EFCAB11: variants seen among roughly 807,000 people sequenced by gnomAD.
EFCAB11 encodes EF-hand calcium binding domain 11.
EFCAB11 carries 14 observed loss-of-function variants against 23.0 expected under a neutral mutation model. The observed-to-expected ratio is 0.61, with a 90% CI of 0.40 to 0.95. The LOEUF (loss-of-function observed/expected upper bound fraction) is 0.95, where lower values mean the gene tolerates loss of function less well. EFCAB11 is among the 40% of genes least tolerant of loss of function. The pLI is 0.00. For synonymous variants in EFCAB11, 65 were observed against 66.6 expected (o/e 0.98, Z 0.11); for missense variants, 198 against 195.8 (o/e 1.01, Z -0.07).
intron 5 of EFCAB11, among the ~76,000 whole-genome samples, chr14:89,821,712 G>A (rs1329948800): frequency 6.6e-6 from 1 of 152,144 alleles, no homozygotes; most frequent in Non-Finnish European, 1.5e-5. Flanking sequence ...ATGGAGGTGC[G>A]GGAGAGGGAA....
intron 5 of EFCAB11, among the ~76,000 whole-genome samples, chr14:89,913,080 G>A (rs1404549827): frequency 1.3e-5 from 2 of 152,176 alleles, no homozygotes; most frequent in Admixed American, 6.5e-5. Flanking sequence ...AGCAAGAAAC[G>A]AGAAGCAGGC....
intron 5 of EFCAB11, among the ~76,000 whole-genome samples, chr14:89,920,704 A>C (rs1889995087): frequency 6.6e-6 from 1 of 152,210 alleles, no homozygotes; most frequent in Non-Finnish European, 1.5e-5. Context: ...TAAATATGTC[A>C]ATATGGCAAG....
At chr14:89,879,395 T>C (rs1412766014) in intron 5 of EFCAB11, among the ~76,000 whole-genome samples, 3 of 152,242 alleles carry the variant, frequency 2.0e-5, no homozygotes, top group Non-Finnish European at 4.4e-5. Context: ...TTATTAACTA[T>C]GCTATAATCC....
At chr14:89,865,633 C>G (rs1415320357) in intron 5 of EFCAB11, among the ~76,000 whole-genome samples, 1 of 151,964 alleles carries the variant, frequency 6.6e-6, no homozygotes, top group Non-Finnish European at 1.5e-5. Flanking sequence ...TCCAGAGTAG[C>G]TGGAACTACA....
At chr14:89,954,368 T>C (rs954646845) in intron 1 of EFCAB11, 16 of 1,535,830 alleles carry the variant, frequency 1.0e-5, no homozygotes, top group Middle Eastern at 1.7e-4. Flanking sequence ...TAATAGACTA[T>C]ATAGAGAGAA....
chr14:89,938,806 C>T (rs151249270), intron 3 of EFCAB11, among the ~76,000 whole-genome samples: 1 of 151,820 alleles, frequency 6.6e-6, no homozygotes, highest in East Asian at 1.9e-4. Flanking sequence ...ACCTGTAATC[C>T]CAGCTACTCA....
rs71107570 is a variant in EFCAB11 at position 89,917,053 on chromosome 14, CGTGTGTGTGT to C, written c.410+14478_410+14487del. On this transcript the variant is annotated intron_variant, in intron 5 of 5. Coordinates refer to ENST00000316738, the MANE Select transcript of EFCAB11 (RefSeq NM_145231.4). Reference sequence around the variant, plus strand: ...AGCATATCCATCACCTGACATGCTTCGTGTGTGTGTGTGTGTGTGTGTGTGTGTGTGTGTG... The same window carrying C: ...AGCATATCCATCACCTGACATGCTTCGTGTGTGTGTGTGTGTGTGTGTGTG... Among the ~76,000 whole-genome samples, 1,321 of 136,714 alleles carry C rather than the reference CGTGTGTGTGT, an allele frequency of 9.7e-3. 10 individuals are homozygous for C. The highest frequency in any genetic ancestry group is 0.027 in the African/African-American group (903 of 33,968). The allele number at this position is 136,714 out of a possible 152,430, so 89.7% of individuals were successfully genotyped here.
intron 5 of EFCAB11, among the ~76,000 whole-genome samples, chr14:89,922,857 T>G (rs1185428847): frequency 6.6e-6 from 1 of 152,120 alleles, no homozygotes; most frequent in Admixed American, 6.5e-5. Flanking sequence ...AAGCAGAAGG[T>G]GAAGACAATT....
rs537044922 is a variant in EFCAB11, at chr14:89,944,690, A to G, written c.217+5407T>C. Among the ~76,000 whole-genome samples, 3 of 152,274 alleles carry G rather than the reference A, an allele frequency of 2.0e-5. No individual in the cohort carries two copies. The South Asian group carries it at 6.2e-4, about 32-fold the overall frequency. ...AATGGAACATCAAACATTATTCTGA[A>G]TATTTTGAAAGTGAAAATTTTCAAC... On this transcript the variant is annotated intron_variant, in intron 3 of 5. Coordinates refer to ENST00000316738, the MANE Select transcript of EFCAB11 (RefSeq NM_145231.4).
chr14:89,808,381 T>C (rs1886042821), intron 5 of EFCAB11, among the ~76,000 whole-genome samples: 1 of 152,228 alleles, frequency 6.6e-6, no homozygotes, highest in Non-Finnish European at 1.5e-5. Flanking sequence ...ATCTTGGTTA[T>C]AGAAAAATTA....
At chr14:89,920,182 C>T (rs1403652183) in intron 5 of EFCAB11, among the ~76,000 whole-genome samples, 1 of 152,206 alleles carries the variant, frequency 6.6e-6, no homozygotes, top group Non-Finnish European at 1.5e-5. Flanking sequence ...GGAATGCCTT[C>T]TACAGTTTGA....
At chr14:89,864,646 C>T (rs541958811) in intron 5 of EFCAB11, among the ~76,000 whole-genome samples, 4 of 152,066 alleles carry the variant, frequency 2.6e-5, no homozygotes, top group Non-Finnish European at 4.4e-5. Flanking sequence ...TTCATGCTGC[C>T]CAGGCTGGTC....
intron 5 of EFCAB11, among the ~76,000 whole-genome samples, chr14:89,900,981 C>T (rs1027458236): frequency 6.6e-6 from 1 of 152,092 alleles, no homozygotes; most frequent in Admixed American, 6.5e-5. Context: ...GGTATGAAGA[C>T]ACGGGGAAAG....
chr14:89,896,974 G>A (rs966111714), intron 5 of EFCAB11, among the ~76,000 whole-genome samples: 5 of 152,032 alleles, frequency 3.3e-5, no homozygotes, highest in African/African-American at 9.7e-5. Flanking sequence ...AGGTCCTCCC[G>A]CCTTGGCCTC....
In EFCAB11 at chr14:89,795,655, G is replaced by T. The variant is rs1885552830; in HGVS notation, c.*1588C>A. On this transcript the variant is annotated 3_prime_UTR_variant, in exon 6 of 6. Coordinates refer to ENST00000316738, the MANE Select transcript of EFCAB11 (RefSeq NM_145231.4). ...TACTCCAGCTTAGGTGACAAAGTGA[G>T]ACTCTGTCTCAAAAAAAACCCGCAA... is the stretch of plus-strand genomic sequence containing the variant. The T allele has an allele frequency of 6.6e-6, 1 of 152,132 alleles. No homozygotes were observed. The highest frequency in any genetic ancestry group is 1.5e-5 in the Non-Finnish European group (1 of 68,014). 9.4% of individuals were successfully genotyped at this position (152,132 alleles called of 1,614,324 possible). A position where few individuals can be genotyped will look rare whatever the true frequency, so the allele number is the denominator to read the frequency against.
At position 89,920,868 on chromosome 14, in the gene EFCAB11, C is replaced by T. The variant is rs562750276; in HGVS notation, c.410+10673G>A. Among the ~76,000 whole-genome samples, 4 of 152,106 alleles carry T rather than the reference C, an allele frequency of 2.6e-5. No homozygotes were observed. The South Asian group carries it at 6.2e-4, about 24-fold the overall frequency. On this transcript the variant is annotated intron_variant, in intron 5 of 5. Coordinates refer to ENST00000316738, the MANE Select transcript of EFCAB11 (RefSeq NM_145231.4). The stretch of plus-strand genomic sequence containing the variant: ...TCACTTGAGGTCAGGGGTTTGAGAC[C>T]GGCCTGGCCAACATGGTGAAACCCC...
At chr14:89,828,844 G>A (rs118020404) in intron 5 of EFCAB11, among the ~76,000 whole-genome samples, 6,262 of 152,230 alleles carry the variant, frequency 0.041, 184 homozygotes, top group Non-Finnish European at 0.059. Flanking sequence ...TGTATCAAAG[G>A]TATTTACTTG....
At chr14:89,953,458 G>A (rs1483170848) in intron 2 of EFCAB11, among the ~76,000 whole-genome samples, 3 of 152,316 alleles carry the variant, frequency 2.0e-5, no homozygotes, top group East Asian at 3.9e-4. Flanking sequence ...CCCTAGGAGT[G>A]GGACCCTCTG....
At chr14:89,906,313 A>C (rs931625599) in intron 5 of EFCAB11, among the ~76,000 whole-genome samples, 11 of 152,178 alleles carry the variant, frequency 7.2e-5, no homozygotes, top group Non-Finnish European at 2.9e-5. Flanking sequence ...TGATTACCTG[A>C]TATATCTGTT....
Sources: allele counts gnomAD v4.1 joint callset (sites outside exome capture counted in the v4.1 genomes callset), GRCh38; gene constraint gnomAD v4.1.1; transcripts MANE v1.5; gene names NCBI Gene and HGNC (gene_info 2026-07-23, HGNC 2026-07-21).